PLCB1: variants seen among roughly 807,000 people sequenced by gnomAD.
PLCB1 encodes 1-phosphatidylinositol 4,5-bisphosphate phosphodiesterase beta-1.
Under a neutral mutation model 161.8 loss-of-function variants are expected in PLCB1, and 46 were observed. That is an observed-to-expected ratio of 0.28 (90% CI 0.22 to 0.36). The LOEUF (loss-of-function observed/expected upper bound fraction) is 0.36, where lower values mean the gene tolerates loss of function less well. Ranked by LOEUF, PLCB1 falls within the 10% of genes least tolerant of loss-of-function variation. The pLI is 1.00. For synonymous variants in PLCB1, 517 were observed against 503.7 expected, an observed-to-expected ratio of 1.03 and a Z score of -0.35; for missense variants, 1,016 against 1,472.5, an observed-to-expected ratio of 0.69 and a Z score of 5.07.
At chr20:8,663,846 T>G (rs560727608) in intron 9 of PLCB1, among the ~76,000 whole-genome samples, 15 of 152,278 alleles carry the variant, frequency 9.9e-5, no homozygotes, top group Middle Eastern at 3.4e-3. Flanking sequence ...GACCCCTGCC[T>G]CTTCCAAACA....
chr20:8,760,455 TA>T lies in PLCB1; in HGVS notation c.2707del (p.Thr903GlnfsTer11). On this transcript the variant is annotated frameshift_variant, in exon 25 of 32. Transcript: ENST00000338037. LOFTEE classifies it high-confidence loss of function. Reference sequence around the variant, plus strand: ...ACAGAAGATCTTATTCAGAGTGTCTTAACAGGTAAATGCCACCCTTTCCCCC... The same window carrying T: ...ACAGAAGATCTTATTCAGAGTGTCTTACAGGTAAATGCCACCCTTTCCCCC... ...AKTEDLIQSV[L>X]TEVEAQTIEE... The T allele has an allele frequency of 6.2e-7, 1 of 1,609,350 alleles. No homozygotes were observed. Among genetic ancestry groups the T allele is most frequent in the Non-Finnish European group, 8.5e-7 (1 of 1,175,868 alleles).
At chr20:8,851,010 T>C (rs1382337382) in intron 31 of PLCB1, among the ~76,000 whole-genome samples, 1 of 152,242 alleles carries the variant, frequency 6.6e-6, no homozygotes, top group Non-Finnish European at 1.5e-5. Context: ...ATAATGTTTT[T>C]TTCTTAGTGT....
rs551595648 is a variant in PLCB1, at chr20:8,480,838, G to A, written c.246+109388G>A. ...GAATATAGACAAATTTTGGCCAGGC[G>A]CTGTGGCTCATGCCCAGCACTTTGG... On this transcript the variant is annotated intron_variant, in intron 3 of 31. Transcript: ENST00000338037. 1.2e-3 allele frequency among the ~76,000 whole-genome samples: 189 copies of A among 152,276 alleles called. 2 individuals are homozygous for A. The highest frequency in any genetic ancestry group is 4.3e-3 in the African/African-American group (179 of 41,564).
intron 2 of PLCB1, among the ~76,000 whole-genome samples, chr20:8,360,255 A>C (rs1986493059): frequency 6.6e-6 from 1 of 152,188 alleles, no homozygotes; most frequent in African/African-American, 2.4e-5. Context: ...TAGCTCCAAG[A>C]AGCCAAAGGT....
chr20:8,679,208 C>T (rs1239520270), intron 9 of PLCB1, among the ~76,000 whole-genome samples: 1 of 152,160 alleles, frequency 6.6e-6, no homozygotes, highest in Non-Finnish European at 1.5e-5. Flanking sequence ...CTGAAAACAT[C>T]TTTTCCCATG....
At position 8,779,131 on chromosome 20, in the gene PLCB1, C is replaced by G. The variant is rs147101062; in HGVS notation, c.3111+4412C>G. ...CAAAATTGCTTTGGGGATTAAATACCAACGTGCTTTGGTTAAGGATTATGC... is the reference window on the plus strand; with the variant it reads ...CAAAATTGCTTTGGGGATTAAATACGAACGTGCTTTGGTTAAGGATTATGC... On this transcript the variant is annotated intron_variant, in intron 27 of 31. Coordinates refer to ENST00000338037, the MANE Select transcript of PLCB1 (RefSeq NM_015192.4). Among the ~76,000 whole-genome samples, 353 of 152,168 alleles carry G rather than the reference C, an allele frequency of 2.3e-3. 1 individual carries two copies. The highest frequency in any genetic ancestry group is 8.2e-3 in the African/African-American group (339 of 41,502).
chr20:8,502,859 C>T (rs1983481914), intron 3 of PLCB1, among the ~76,000 whole-genome samples: 1 of 152,150 alleles, frequency 6.6e-6, no homozygotes, highest in Non-Finnish European at 1.5e-5. Flanking sequence ...TGTTTTACTC[C>T]TGTGTCTTGT....
intron 2 of PLCB1, among the ~76,000 whole-genome samples, chr20:8,191,173 T>A (rs995556141): frequency 6.6e-6 from 1 of 151,980 alleles, no homozygotes; most frequent in Admixed American, 6.6e-5. Context: ...CATAGTAGGT[T>A]TATATATTTA....
intron 2 of PLCB1, among the ~76,000 whole-genome samples, chr20:8,365,921 G>A (rs1217353853): frequency 6.6e-6 from 1 of 151,978 alleles, no homozygotes. Flanking sequence ...ACAGAAATTG[G>A]GATTCTGGAA....
At chr20:8,543,778 G>A (rs1353534703) in intron 3 of PLCB1, among the ~76,000 whole-genome samples, 3 of 152,068 alleles carry the variant, frequency 2.0e-5, no homozygotes, top group South Asian at 2.1e-4. Context: ...TGCTGTTCTC[G>A]TGATAGTGAG....
At chr20:8,769,020 C>T (rs1982527748) in intron 26 of PLCB1, among the ~76,000 whole-genome samples, 1 of 151,902 alleles carries the variant, frequency 6.6e-6, no homozygotes, top group Admixed American at 6.6e-5. Context: ...CTCTAATCAA[C>T]AGCATTAATT....
intron 3 of PLCB1, among the ~76,000 whole-genome samples, chr20:8,512,002 C>T (rs977270400): frequency 3.9e-5 from 6 of 152,008 alleles, no homozygotes; most frequent in African/African-American, 7.2e-5. Flanking sequence ...AATGGACAGT[C>T]GCACGTTACC....
At chr20:8,540,438 A>C (rs1985265337) in intron 3 of PLCB1, among the ~76,000 whole-genome samples, 1 of 152,152 alleles carries the variant, frequency 6.6e-6, no homozygotes, top group Non-Finnish European at 1.5e-5. Context: ...ACATGGGTAC[A>C]TCTTGCATAT....
chr20:8,339,086 G>A (rs1011204015), intron 2 of PLCB1, among the ~76,000 whole-genome samples: 4 of 152,166 alleles, frequency 2.6e-5, no homozygotes, highest in Non-Finnish European at 5.9e-5. Context: ...TGTAAGCTAT[G>A]ATGAGTACAG....
intron 2 of PLCB1, among the ~76,000 whole-genome samples, chr20:8,215,537 G>GC (rs1226954050): frequency 3.3e-5 from 5 of 152,128 alleles, no homozygotes; most frequent in African/African-American, 1.2e-4. Flanking sequence ...ACATTTCGCA[G>GC]CCCCCGTCCC....
At chr20:8,263,507 T>C (rs910419136) in intron 2 of PLCB1, among the ~76,000 whole-genome samples, 7 of 152,186 alleles carry the variant, frequency 4.6e-5, no homozygotes, top group African/African-American at 1.7e-4. Context: ...TCTTTCCTTA[T>C]TATATATTAT....
chr20:8,237,732 C>A (rs1384697000), intron 2 of PLCB1, among the ~76,000 whole-genome samples: 1 of 152,010 alleles, frequency 6.6e-6, no homozygotes, highest in Non-Finnish European at 1.5e-5. Flanking sequence ...CTGATGTAGA[C>A]ACAAATAGAA....
intron 2 of PLCB1, among the ~76,000 whole-genome samples, chr20:8,330,154 C>T (rs186310620): frequency 6.6e-6 from 1 of 152,256 alleles, no homozygotes; most frequent in African/African-American, 2.4e-5. Context: ...AACATCGAAT[C>T]AATAATAATA....
At chr20:8,538,111 G>A (rs1568498515) in intron 3 of PLCB1, among the ~76,000 whole-genome samples, 1 of 152,136 alleles carries the variant, frequency 6.6e-6, no homozygotes, top group Non-Finnish European at 1.5e-5. Context: ...GACCAGGGCT[G>A]TTATTTGCTC....
Sources: allele counts gnomAD v4.1 joint callset (sites outside exome capture counted in the v4.1 genomes callset), GRCh38; gene constraint gnomAD v4.1.1; transcripts MANE v1.5; gene names NCBI Gene and HGNC (gene_info 2026-07-23, HGNC 2026-07-21).